The following TCF12 variants were observed in gnomAD, a reference collection of about 807,000 sequenced individuals.
TCF12 encodes DNA-binding protein HTF4.
A neutral mutation model predicts 86.0 loss-of-function variants in TCF12; 45 were observed. That is an observed-to-expected ratio of 0.52 (90% CI 0.41 to 0.67). The LOEUF (loss-of-function observed/expected upper bound fraction) is 0.67. TCF12 is among the 30% of genes least tolerant of loss of function. The probability of loss-of-function intolerance (pLI) is 0.00; values close to 1 mark genes in which losing one functional copy is unlikely to be tolerated. For missense variants in TCF12, 881 were observed against 859.9 expected (o/e 1.02, Z -0.31); for synonymous variants, 330 against 299.6 (o/e 1.10, Z -1.05).
At chr15:57,173,424 T>C (rs1371480115) in intron 6 of TCF12, among the ~76,000 whole-genome samples, 1 of 151,876 alleles carries the variant, frequency 6.6e-6, no homozygotes, top group Non-Finnish European at 1.5e-5. Context: ...ATCAATGTAA[T>C]AGAAAAAACT....
At chr15:57,252,018 G>C (rs1403212294) in intron 14 of TCF12, among the ~76,000 whole-genome samples, 2 of 152,146 alleles carry the variant, frequency 1.3e-5, no homozygotes, top group African/African-American at 4.8e-5. Flanking sequence ...GTTGACTACT[G>C]TTGCTTTTGT....
Position 57,262,158 on chromosome 15 carries a change from T to G in TCF12, c.1532T>G (p.Val511Gly). 6.2e-7 allele frequency: 1 copy of G among 1,613,672 alleles called. No homozygotes were observed. The highest frequency in any genetic ancestry group is 8.5e-7 in the Non-Finnish European group (1 of 1,179,730). The change falls in exon 17 of 21, where the codon GTC (valine) becomes GGC (glycine). Residue 511 changes from valine to glycine, a missense_variant. By Grantham distance (109) the Val-to-Gly change is moderately radical. Around this residue, in one of 3 missense-constraint regions of TCF12, gnomAD observed 766 missense variants for 718.9 expected, o/e 1.07. Coordinates refer to ENST00000333725, the MANE Select transcript of TCF12 (RefSeq NM_207037.2). ...AATCATTCAGTCCTGTCTAGTACAG[T>G]CACTACTTCAAGCACAGACCTGAAC... ...NGNHSVLSST[V>G]TTSSTDLNHK...
At chr15:56,951,050 C>G (rs1434373077) in intron 3 of TCF12, among the ~76,000 whole-genome samples, 2 of 152,108 alleles carry the variant, frequency 1.3e-5, no homozygotes, top group African/African-American at 4.8e-5. Context: ...GCCACTGCGC[C>G]CGGCCATTAT....
rs1323244169 is a variant in TCF12 at position 57,136,986 on chromosome 15, T to G, written c.326-29416T>G. On this transcript the variant is annotated intron_variant, in intron 5 of 20. Coordinates refer to ENST00000333725, the MANE Select transcript of TCF12 (RefSeq NM_207037.2). ...TTTTTTTTTGTTTTTTTTTTTTTTT[T>G]TTTTTTTTTTTGAGACGGAGTTTCA... Among the ~76,000 whole-genome samples the G allele has an allele frequency of 1.7e-3, 158 of 93,348 alleles. 1 individual carries two copies. The highest frequency in any genetic ancestry group is 6.1e-3 in the African/African-American group (151 of 24,578). 61.2% of individuals were successfully genotyped at this position (93,348 alleles called of 152,430 possible). A position where few individuals can be genotyped will look rare whatever the true frequency, so the allele number is the denominator to read the frequency against.
chr15:57,263,638 T>G (rs2060694038), intron 18 of TCF12, among the ~76,000 whole-genome samples: 1 of 152,202 alleles, frequency 6.6e-6, no homozygotes, highest in Non-Finnish European at 1.5e-5. Flanking sequence ...TATTTGAATA[T>G]GGTCAGGTGT....
chr15:57,168,587 T>G (rs1368571481), intron 6 of TCF12, among the ~76,000 whole-genome samples: 3 of 152,188 alleles, frequency 2.0e-5, no homozygotes, highest in African/African-American at 7.2e-5. Context: ...ATGATACAAG[T>G]TACTGTTTGA....
At chr15:56,926,586 G>A (rs1391656074) in intron 3 of TCF12, among the ~76,000 whole-genome samples, 1 of 152,168 alleles carries the variant, frequency 6.6e-6, no homozygotes, top group African/African-American at 2.4e-5. Context: ...GAGAGACCTG[G>A]AAATGGGAAT....
At chr15:57,093,157 A>G (rs1567407564) in intron 5 of TCF12, among the ~76,000 whole-genome samples, 1 of 152,232 alleles carries the variant, frequency 6.6e-6, no homozygotes, top group Non-Finnish European at 1.5e-5. Flanking sequence ...TCATGGTATT[A>G]TATGTATTAT....
intron 3 of TCF12, among the ~76,000 whole-genome samples, chr15:57,055,620 C>T (rs2067962509): frequency 6.6e-6 from 1 of 151,278 alleles, no homozygotes. Flanking sequence ...TTTTTTTTTT[C>T]ACATCTGCTG....
chr15:57,162,491 G>A (rs1045784797), intron 5 of TCF12, among the ~76,000 whole-genome samples: 3 of 152,054 alleles, frequency 2.0e-5, no homozygotes, highest in Non-Finnish European at 4.4e-5. Flanking sequence ...AATGAAAGGT[G>A]AAATAAAAAT....
chr15:56,963,818 CA>C (rs1362589792), intron 3 of TCF12, among the ~76,000 whole-genome samples: 1 of 152,172 alleles, frequency 6.6e-6, no homozygotes, highest in African/African-American at 2.4e-5. Flanking sequence ...CCCTGTGTCT[CA>C]AGGAGGAATT....
intron 3 of TCF12, among the ~76,000 whole-genome samples, chr15:56,965,797 T>G (rs764000220): frequency 6.6e-6 from 1 of 152,160 alleles, no homozygotes; most frequent in Non-Finnish European, 1.5e-5. Context: ...TGAAAAAAAC[T>G]CTTGCAGTTA....
intron 5 of TCF12, among the ~76,000 whole-genome samples, chr15:57,104,957 C>T (rs1023412783): frequency 2.0e-5 from 3 of 148,420 alleles, no homozygotes; most frequent in Non-Finnish European, 4.5e-5. Context: ...CACTGCAACC[C>T]CTGCCTCCCG....
At chr15:57,291,122 T>G, downstream of TCF12, 1 of 152,160 alleles carries the variant, frequency 6.6e-6, no homozygotes, top group Non-Finnish European at 1.5e-5. Flanking sequence ...CTGTGTTTAG[T>G]AATGTCATTT....
chr15:57,064,749 T>A (rs2068723029), intron 4 of TCF12, among the ~76,000 whole-genome samples: 1 of 131,092 alleles, frequency 7.6e-6, no homozygotes, highest in Non-Finnish European at 1.5e-5. Flanking sequence ...TGAGCCAAGA[T>A]CATGCCACTG....
rs545142874 is a variant in TCF12, at chr15:57,270,605, T to C, written c.1746-2425T>C. Among the ~76,000 whole-genome samples, 397 of 152,330 alleles carry C rather than the reference T, an allele frequency of 2.6e-3. 3 individuals carry two copies. The highest frequency in any genetic ancestry group is 8.9e-3 in the African/African-American group (369 of 41,576). ...TTCTCCATCCAGTTTTGTTCCCTTG[T>C]TGATGAGGAGTTGTGTTCCTTTGGA... On this transcript the variant is annotated intron_variant, in intron 18 of 20. Coordinates refer to ENST00000333725, the MANE Select transcript of TCF12 (RefSeq NM_207037.2).
At chr15:57,190,519 T>C (rs1344261980) in intron 6 of TCF12, among the ~76,000 whole-genome samples, 1 of 152,142 alleles carries the variant, frequency 6.6e-6, no homozygotes, top group Non-Finnish European at 1.5e-5. Context: ...ACAGTTCTTT[T>C]CACTTGAGAG....
chr15:56,927,943 G>A (rs1024792925), intron 3 of TCF12, among the ~76,000 whole-genome samples: 4 of 152,182 alleles, frequency 2.6e-5, no homozygotes, highest in Non-Finnish European at 5.9e-5. Flanking sequence ...CAAATGTGTT[G>A]TGTGGTGACT....
intron 3 of TCF12, among the ~76,000 whole-genome samples, chr15:57,016,088 C>T (rs761425127): frequency 3.3e-5 from 5 of 152,182 alleles, no homozygotes; most frequent in Non-Finnish European, 5.9e-5. Flanking sequence ...TCATTATTTA[C>T]GTGTACCCTG....
Sources: allele counts gnomAD v4.1 joint callset (sites outside exome capture counted in the v4.1 genomes callset), GRCh38; gene constraint gnomAD v4.1.1; regional missense constraint gnomAD v4.1.1; transcripts MANE v1.5; gene names NCBI Gene and HGNC (gene_info 2026-07-23, HGNC 2026-07-21).